Variants in PRDM16 observed in about 807,000 individuals in gnomAD.
PRDM16 encodes the protein histone-lysine N-methyltransferase PRDM16.
In PRDM16, 23 loss-of-function variants were observed where a neutral mutation model predicts 110.6. The observed-to-expected ratio is 0.21, with a 90% CI of 0.15 to 0.29. The LOEUF is 0.29. Ranked by LOEUF, PRDM16 falls within the 10% of genes least tolerant of loss-of-function variation. The pLI, the probability that PRDM16 is intolerant of heterozygous loss-of-function variation, is 1.00. For synonymous variants in PRDM16, 799 were observed against 781.8 expected, an observed-to-expected ratio of 1.02 and a Z score of -0.37; for missense variants, 1,615 against 1,794.3, an observed-to-expected ratio of 0.90 and a Z score of 1.81.
rs12731053 is a variant in PRDM16 at position 3,157,188 on chromosome 1, G to A, written c.38-28937G>A. 0.031 allele frequency among the ~76,000 whole-genome samples: 4,691 copies of A among 152,222 alleles called. 146 individuals are homozygous for A. The highest frequency in any genetic ancestry group is 0.11 in the East Asian group (568 of 5,146). On this transcript the variant is annotated intron_variant, in intron 1 of 16. Transcript: ENST00000270722. This position sits in a 1 kb window ranked among gnomAD's most constrained non-coding sequence, Gnocchi z 4.8. ...GGGACCTGGAGAAGGAGGGCCGCTC[G>A]GCAACCGCTGAGCCGGCGCAAGAGC...
chr1:3,391,469 C>T (rs953496470), intron 4 of PRDM16, among the ~76,000 whole-genome samples: 3 of 152,156 alleles, frequency 2.0e-5, no homozygotes, highest in Non-Finnish European at 4.4e-5. Context: ...CTTTACTAGA[C>T]GAAGCTATTT....
intron 2 of PRDM16, among the ~76,000 whole-genome samples, chr1:3,225,048 T>C (rs1639254369): frequency 1.3e-5 from 2 of 152,194 alleles, no homozygotes; most frequent in African/African-American, 4.8e-5. Context: ...AGCGCCTTCA[T>C]TACGGTTCAG....
chr1:3,236,804 C>A (rs1639550453), intron 2 of PRDM16, among the ~76,000 whole-genome samples: 1 of 152,226 alleles, frequency 6.6e-6, no homozygotes, highest in Non-Finnish European at 1.5e-5. Context: ...CTGCACAGAG[C>A]AGGAAGCCAT....
At chr1:3,101,789 G>T (rs1642538589) in intron 1 of PRDM16, among the ~76,000 whole-genome samples, 1 of 152,222 alleles carries the variant, frequency 6.6e-6, no homozygotes, top group South Asian at 2.1e-4. Context: ...CAGCAGGAGT[G>T]ATCTGGAGCT....
intron 3 of PRDM16, among the ~76,000 whole-genome samples, chr1:3,248,335 C>A (rs1639842686): frequency 6.6e-6 from 1 of 152,204 alleles, no homozygotes; most frequent in African/African-American, 2.4e-5. Flanking sequence ...TTCCTTCCCC[C>A]TCTTGAAAAG....
At chr1:3,114,390 G>A (rs1384718240) in intron 1 of PRDM16, among the ~76,000 whole-genome samples, 22 of 121,652 alleles carry the variant, frequency 1.8e-4, no homozygotes, top group Non-Finnish European at 2.6e-4. Context: ...AAACAGACGC[G>A]CACGCACGCG....
intron 3 of PRDM16, among the ~76,000 whole-genome samples, chr1:3,367,934 T>C (rs1642844210): frequency 6.6e-6 from 1 of 152,222 alleles, no homozygotes. Context: ...AGTTGTTGTT[T>C]AGAGAGGAAG....
rs116395931 is a variant in PRDM16 at position 3,411,307 on chromosome 1, T to C, written c.1187-77T>C. Reference sequence around the variant, plus strand: ...CCCCTCCAGCGGCTGGCTTTCCCAGTAATTTCATGTGGCGTTTTCAGCAGG... The same window carrying C: ...CCCCTCCAGCGGCTGGCTTTCCCAGCAATTTCATGTGGCGTTTTCAGCAGG... On this transcript the variant is annotated intron_variant, in intron 8 of 16. Coordinates refer to ENST00000270722, the MANE Select transcript of PRDM16 (RefSeq NM_022114.4). 5.4e-3 allele frequency: 8,092 copies of C among 1,492,460 alleles called. 355 individuals carry two copies. The African/African-American group carries it at 0.099, about 18-fold the overall frequency. The allele number at this position is 1,492,460 out of a possible 1,614,324, so 92.5% of individuals were successfully genotyped here.
In PRDM16 at chr1:3,335,596, G is replaced by A. The variant is rs1423012591; in HGVS notation, c.439-49556G>A. On this transcript the variant is annotated intron_variant, in intron 3 of 16. Coordinates refer to ENST00000270722, the MANE Select transcript of PRDM16 (RefSeq NM_022114.4). Reference sequence around the variant, plus strand: ...TATCTGAAATCTAACCTTTGGCTGAGGTTAAAACACACACACACACACACA... The same window carrying A: ...TATCTGAAATCTAACCTTTGGCTGAAGTTAAAACACACACACACACACACA... 4.2e-5 allele frequency among the ~76,000 whole-genome samples: 4 copies of A among 96,008 alleles called. No individual in the cohort carries two copies. The South Asian group carries it at 1.3e-3, about 32-fold the overall frequency. The allele number at this position is 96,008 out of a possible 152,430, so 63.0% of individuals were successfully genotyped here. A position where few individuals can be genotyped will look rare whatever the true frequency, so the allele number is the denominator to read the frequency against.
At chr1:3,228,244 C>T (rs560697381) in intron 2 of PRDM16, among the ~76,000 whole-genome samples, 1 of 152,222 alleles carries the variant, frequency 6.6e-6, no homozygotes. Context: ...ATGGGATGCA[C>T]TTGCGTTCAC....
At chr1:3,314,974 C>T (rs930858418) in intron 3 of PRDM16, among the ~76,000 whole-genome samples, 7 of 152,174 alleles carry the variant, frequency 4.6e-5, no homozygotes, top group African/African-American at 1.7e-4. Flanking sequence ...TAGCCATATC[C>T]GGGGAAAGAT....
chr1:3,204,211 C>T (rs1052135434), intron 2 of PRDM16, among the ~76,000 whole-genome samples: 4 of 152,158 alleles, frequency 2.6e-5, no homozygotes, highest in African/African-American at 7.2e-5. Context: ...CAGACTTGGC[C>T]GCTCACAGAT....
At position 3,319,408 on chromosome 1, in the gene PRDM16, G is replaced by A. The variant is rs72632182; in HGVS notation, c.439-65744G>A. Among the ~76,000 whole-genome samples, 1,196 of 152,334 alleles carry A rather than the reference G, an allele frequency of 7.9e-3. 7 individuals are homozygous for A. Among genetic ancestry groups the A allele is most frequent in the Non-Finnish European group, 0.012 (827 of 68,026 alleles). On this transcript the variant is annotated intron_variant, in intron 3 of 16. Transcript: ENST00000270722. ...ATGTTTGGCCTTCTCCACCATGAGC[G>A]GGTCAGTGTTTGGGGCAGGGGGGCA... is the stretch of plus-strand genomic sequence containing the variant.
chr1:3,147,801 G>A (rs1054638286), intron 1 of PRDM16, among the ~76,000 whole-genome samples: 1 of 152,180 alleles, frequency 6.6e-6, no homozygotes, highest in African/African-American at 2.4e-5. Context: ...TGGGCCAGGA[G>A]AGGAGGCAGC....
At chr1:3,210,952 C>T (rs1023656215) in intron 2 of PRDM16, among the ~76,000 whole-genome samples, 1 of 152,206 alleles carries the variant, frequency 6.6e-6, no homozygotes, top group Admixed American at 6.5e-5. Flanking sequence ...TTTGTCCATT[C>T]ATTAGATATC....
chr1:3,178,492 G>A (rs147424120), intron 1 of PRDM16, among the ~76,000 whole-genome samples: 4 of 152,340 alleles, frequency 2.6e-5, no homozygotes, highest in Admixed American at 6.5e-5. Context: ...CCCGGAGGCC[G>A]GGGCTCCTGG....
chr1:3,248,269 A>G (rs1639841277), intron 3 of PRDM16, among the ~76,000 whole-genome samples: 1 of 152,184 alleles, frequency 6.6e-6, no homozygotes, highest in African/African-American at 2.4e-5. Flanking sequence ...ATCTCTGGCG[A>G]TATGAAAGGG....
intron 1 of PRDM16, among the ~76,000 whole-genome samples, chr1:3,184,382 C>T (rs1031837940): frequency 8.6e-5 from 13 of 151,418 alleles, no homozygotes; most frequent in African/African-American, 1.9e-4. Context: ...CCGCAGCCAA[C>T]GACAGGGTGC....
At chr1:3,305,342 G>A (rs1044794102) in intron 3 of PRDM16, among the ~76,000 whole-genome samples, 1 of 152,212 alleles carries the variant, frequency 6.6e-6, no homozygotes, top group Non-Finnish European at 1.5e-5. Flanking sequence ...GGGACCTGCA[G>A]TTGCCCCGCA....
Sources: gnomAD v4.1 joint callset for allele counts (sites outside exome capture counted in the v4.1 genomes callset) on GRCh38, gnomAD v4.1.1 for gene constraint, Gnocchi (gnomAD v3.1) non-coding constraint, MANE v1.5 for transcripts, NCBI Gene and HGNC (gene_info 2026-07-23, HGNC 2026-07-21) for gene names.